The following PLEKHH1 variants were observed in gnomAD, a reference collection of about 807,000 sequenced individuals.
The protein encoded by PLEKHH1 is pleckstrin homology, MyTH4 and FERM domain containing H1, also known as pleckstrin homology domain-containing family H member 1.
A neutral mutation model predicts 160.0 loss-of-function variants in PLEKHH1; 104 were observed. The observed-to-expected ratio is 0.65, with a 90% CI of 0.55 to 0.76. PLEKHH1 has a LOEUF of 0.76. Among genes scored for constraint, PLEKHH1 ranks in the 30% least tolerant of loss-of-function variants. The probability of loss-of-function intolerance (pLI) is 0.00; values close to 1 mark genes in which losing one functional copy is unlikely to be tolerated. For synonymous variants in PLEKHH1, 619 were observed against 678.4 expected, an observed-to-expected ratio of 0.91 and a Z score of 1.36; for missense variants, 1,427 against 1,724.1, an observed-to-expected ratio of 0.83 and a Z score of 3.05.
intron 7 of PLEKHH1, among the ~76,000 whole-genome samples, chr14:67,565,266 C>T (rs1031564074): frequency 2.6e-5 from 4 of 151,668 alleles, no homozygotes; most frequent in Non-Finnish European, 1.5e-5. Context: ...ACTTGAGAGA[C>T]GGTGTCTTGC....
At chr14:67,541,008 T>C (rs2033944069) in intron 1 of PLEKHH1, among the ~76,000 whole-genome samples, 1 of 152,198 alleles carries the variant, frequency 6.6e-6, no homozygotes, top group Non-Finnish European at 1.5e-5. Context: ...CCCAAAGACT[T>C]GTGGCTTTCT....
chr14:67,551,886 A>AG (rs1336808702), intron 2 of PLEKHH1, among the ~76,000 whole-genome samples: 1 of 151,828 alleles, frequency 6.6e-6, no homozygotes, highest in African/African-American at 2.4e-5. Flanking sequence ...AAAAAAAAAA[A>AG]GAATGTTGAA....
chr14:67,570,360 C>T (rs972395659), intron 9 of PLEKHH1: 53 of 899,746 alleles, frequency 5.9e-5, no homozygotes, highest in Middle Eastern at 5.4e-4. Context: ...CTTATATTCC[C>T]GTAACGTCAC....
chr14:67,562,541 G>C lies in PLEKHH1; in HGVS notation c.910G>C (p.Gly304Arg), dbSNP rs963151171. The change falls in exon 7 of 29, where the codon GGT (glycine) becomes CGT (arginine). Residue 304 changes from glycine to arginine, a missense_variant. Transcript: ENST00000329153. ...LPGTKTSARE[G>R]GPGSSLTLPK... is the part of the protein sequence containing the mutation. ...TGGGACAAAGACCTCTGCCAGGGAAGGTGGTCCTGGCAGCAGTCTGACCCT... is the reference window on the plus strand; with the variant it reads ...TGGGACAAAGACCTCTGCCAGGGAACGTGGTCCTGGCAGCAGTCTGACCCT... The C allele has an allele frequency of 6.2e-7, 1 of 1,609,244 alleles. No individual in the cohort carries two copies. Among genetic ancestry groups the C allele is most frequent in the Admixed American group, 1.7e-5 (1 of 59,916 alleles).
intron 3 of PLEKHH1, 31 bp downstream of exon 3, chr14:67,555,918 G>C: frequency 6.2e-7 from 1 of 1,609,246 alleles, no homozygotes; most frequent in Non-Finnish European, 8.5e-7. Context: ...GCGGGAATAT[G>C]CAGGGGAATG....
At position 67,574,676 on chromosome 14, in the gene PLEKHH1, G is replaced by T. The variant is rs1484113504; in HGVS notation, c.2088+273G>T. Among the ~76,000 whole-genome samples the T allele has an allele frequency of 6.6e-6, 1 of 152,106 alleles. No individual in the cohort carries two copies. Among genetic ancestry groups the T allele is most frequent in the Non-Finnish European group, 1.5e-5 (1 of 68,038 alleles). ...CTTGTATCCATTTTGAGGTCATTAG[G>T]GGCTGTCACCCACCCCCACCTTATA... is the stretch of plus-strand genomic sequence containing the variant. On this transcript the variant is annotated intron_variant, in intron 14 of 28. Coordinates refer to ENST00000329153, the MANE Select transcript of PLEKHH1 (RefSeq NM_020715.3). The surrounding 1 kb of genome is among the most constrained non-coding windows in gnomAD (Gnocchi z 4.2).
At chr14:67,546,083 C>T (rs2034165564) in intron 2 of PLEKHH1, among the ~76,000 whole-genome samples, 2 of 152,134 alleles carry the variant, frequency 1.3e-5, no homozygotes, top group Admixed American at 1.3e-4. Context: ...TCTGGGAGAA[C>T]ATGAGGGGAC....
chr14:67,571,586 A>G, intron 9 of PLEKHH1, 166 bp from the exon 10 acceptor site: 1 of 619,456 alleles, frequency 1.6e-6, no homozygotes, highest in East Asian at 2.8e-5. Flanking sequence ...AGGTCATGAC[A>G]CAGGAGTGAG....
intron 15 of PLEKHH1, 135 bp from the exon 16 acceptor site, chr14:67,575,688 T>C: frequency 1.3e-6 from 1 of 749,668 alleles, no homozygotes; most frequent in South Asian, 1.7e-5. Context: ...GCTGGGATGC[T>C]ATAGTCTCCA....
intron 1 of PLEKHH1, among the ~76,000 whole-genome samples, chr14:67,534,970 A>G (rs1354067476): frequency 6.6e-6 from 1 of 152,250 alleles, no homozygotes; most frequent in Non-Finnish European, 1.5e-5. Context: ...ATGTCCATCA[A>G]TAAGGAACCC....
intron 1 of PLEKHH1, among the ~76,000 whole-genome samples, chr14:67,534,776 C>T (rs1252478991): frequency 6.6e-6 from 1 of 152,050 alleles, no homozygotes; most frequent in Non-Finnish European, 1.5e-5. Context: ...GCATGTTCCT[C>T]CCATTCCTGA....
intron 9 of PLEKHH1, 130 bp downstream of exon 9, chr14:67,570,142 A>C: frequency 1.4e-6 from 1 of 716,924 alleles, no homozygotes; most frequent in Non-Finnish European, 2.3e-6. Flanking sequence ...AGCTGAGCCC[A>C]GCACGTGTCA....
At chr14:67,570,361 G>A (rs920409017) in intron 9 of PLEKHH1, 70 of 900,408 alleles carry the variant, frequency 7.8e-5, no homozygotes, top group Admixed American at 1.7e-4. Flanking sequence ...TTATATTCCC[G>A]TAACGTCACT....
At chr14:67,546,535 C>T (rs61988242) in intron 2 of PLEKHH1, among the ~76,000 whole-genome samples, 11,967 of 152,144 alleles carry the variant, frequency 0.079, 503 homozygotes, top group East Asian at 0.14. Flanking sequence ...GGATTACAGG[C>T]GCGCGCCACC....
rs375816648 is a variant in PLEKHH1 at position 67,587,093 on chromosome 14, T to C, written c.3953T>C (p.Ile1318Thr). The C allele has an allele frequency of 6.2e-7, 1 of 1,610,746 alleles. No individual in the cohort carries two copies. The highest frequency in any genetic ancestry group is 1.3e-5 in the African/African-American group (1 of 74,920). The change falls in exon 29 of 29, where the codon ATC (isoleucine) becomes ACC (threonine). Residue 1318 changes from isoleucine (I) to threonine (T), a missense_variant. By Grantham distance (89) the Ile-to-Thr change is moderately conservative (BLOSUM62 -1). Around this residue, in one of 6 missense-constraint regions of PLEKHH1, gnomAD observed 96 missense variants for 97.6 expected, o/e 0.98. Coordinates refer to ENST00000329153, the MANE Select transcript of PLEKHH1 (RefSeq NM_020715.3). Reference protein sequence around the residue: ...AAPKIAEATFIMASYMNHCTT... With the variant: ...AAPKIAEATFTMASYMNHCTT... Reference sequence around the variant, plus strand: ...TCTTAGATTGCAGAAGCTACCTTCATCATGGCCAGCTATATGAACCATTGC... The same window carrying C: ...TCTTAGATTGCAGAAGCTACCTTCACCATGGCCAGCTATATGAACCATTGC...
intron 7 of PLEKHH1, among the ~76,000 whole-genome samples, chr14:67,566,749 G>GAAA (rs58616303): frequency 7.5e-6 from 1 of 134,220 alleles, no homozygotes; most frequent in African/African-American, 2.8e-5. Flanking sequence ...ACCCTGTCTT[G>GAAA]AAAAAAAAAA....
intron 1 of PLEKHH1, among the ~76,000 whole-genome samples, chr14:67,536,928 T>C (rs1291473922): frequency 6.6e-6 from 1 of 151,486 alleles, no homozygotes; most frequent in Admixed American, 6.6e-5. Flanking sequence ...TAATCCCCGC[T>C]ACTCAGGAGG....
intron 17 of PLEKHH1, among the ~76,000 whole-genome samples, 192 bp from the exon 18 acceptor site, chr14:67,577,110 C>T (rs922104062): frequency 6.6e-6 from 1 of 152,216 alleles, no homozygotes; most frequent in Non-Finnish European, 1.5e-5. Flanking sequence ...AAAGGCCATG[C>T]TTATATGAGG....
intron 2 of PLEKHH1, among the ~76,000 whole-genome samples, chr14:67,552,108 G>T: frequency 6.6e-6 from 1 of 152,176 alleles, no homozygotes. Flanking sequence ...ACTTCATCAG[G>T]TTGCTGCAGC....
Sources: gnomAD v4.1 joint callset for allele counts (sites outside exome capture counted in the v4.1 genomes callset) on GRCh38, gnomAD v4.1.1 for gene constraint, gnomAD v4.1.1 regional missense constraint, Gnocchi (gnomAD v3.1) non-coding constraint, MANE v1.5 for transcripts, NCBI Gene and HGNC (gene_info 2026-07-23, HGNC 2026-07-21) for gene names.